SLC9A9: variants seen among roughly 807,000 people sequenced by gnomAD.
SLC9A9 encodes sodium/hydrogen exchanger 9.
SLC9A9 carries 62 observed loss-of-function variants against 77.8 expected under a neutral mutation model. That is an observed-to-expected ratio of 0.80 (90% CI 0.65 to 0.98). SLC9A9 has a LOEUF of 0.98. SLC9A9 is among the 50% of genes least tolerant of loss of function. SLC9A9 has a pLI of 0.00. For synonymous variants in SLC9A9, 320 were observed against 283.5 expected (o/e 1.13, Z -1.29); for missense variants, 775 against 774.9 (o/e 1.00, Z 0.00).
intron 14 of SLC9A9, among the ~76,000 whole-genome samples, chr3:143,290,410 G>A (rs563430832): frequency 1.3e-5 from 2 of 152,282 alleles, no homozygotes; most frequent in Admixed American, 6.5e-5. Context: ...CTAAATAAGT[G>A]AGCACAGGGA....
intron 14 of SLC9A9, among the ~76,000 whole-genome samples, chr3:143,329,308 CA>C (rs1212732174): frequency 6.6e-6 from 1 of 152,074 alleles, no homozygotes; most frequent in Non-Finnish European, 1.5e-5. Flanking sequence ...GTAAAGAAAA[CA>C]GATAAGAGTC....
chr3:143,314,912 C>T (rs2031153372), intron 14 of SLC9A9, among the ~76,000 whole-genome samples: 1 of 152,206 alleles, frequency 6.6e-6, no homozygotes, highest in Non-Finnish European at 1.5e-5. Context: ...TCCATCACTG[C>T]ACTCAATAGT....
intron 12 of SLC9A9, among the ~76,000 whole-genome samples, chr3:143,398,930 A>G (rs2033789130): frequency 6.6e-6 from 1 of 152,226 alleles, no homozygotes; most frequent in South Asian, 2.1e-4. Flanking sequence ...CTGTAAGACC[A>G]TATTATATTA....
intron 12 of SLC9A9, among the ~76,000 whole-genome samples, chr3:143,448,165 A>G (rs1175055903): frequency 6.6e-6 from 1 of 152,130 alleles, no homozygotes; most frequent in African/African-American, 2.4e-5. Context: ...ACAGCAGAAA[A>G]TTCTGTGCAA....
At chr3:143,701,441 T>C (rs1409674286) in intron 4 of SLC9A9, among the ~76,000 whole-genome samples, 1 of 152,124 alleles carries the variant, frequency 6.6e-6, no homozygotes, top group Non-Finnish European at 1.5e-5. Flanking sequence ...TTCTATCAGA[T>C]AAATTTAATG....
At chr3:143,640,009 C>CT (rs1289369722) in intron 6 of SLC9A9, among the ~76,000 whole-genome samples, 6 of 117,340 alleles carry the variant, frequency 5.1e-5, no homozygotes, top group South Asian at 2.9e-4. Flanking sequence ...TAATTCCTTT[C>CT]TTTTTTTTTC....
intron 12 of SLC9A9, among the ~76,000 whole-genome samples, chr3:143,432,759 C>T (rs936614577): frequency 6.6e-6 from 1 of 152,178 alleles, no homozygotes; most frequent in Non-Finnish European, 1.5e-5. Flanking sequence ...TCCCAAGTAG[C>T]TCGGACTACA....
intron 6 of SLC9A9, among the ~76,000 whole-genome samples, chr3:143,628,252 A>T (rs900752214): frequency 1.3e-5 from 2 of 152,204 alleles, no homozygotes; most frequent in African/African-American, 2.4e-5. Flanking sequence ...ACATCCCAAT[A>T]ACCTTATGGT....
intron 14 of SLC9A9, among the ~76,000 whole-genome samples, chr3:143,355,824 A>T (rs892644314): frequency 2.0e-5 from 3 of 152,220 alleles, no homozygotes; most frequent in African/African-American, 7.2e-5. Flanking sequence ...CACTGAGAAA[A>T]TAATAAATGT....
chr3:143,270,690 A>G (rs1306729187), intron 14 of SLC9A9, among the ~76,000 whole-genome samples: 1 of 152,122 alleles, frequency 6.6e-6, no homozygotes, highest in Non-Finnish European at 1.5e-5. Flanking sequence ...AAGAAAAAAA[A>G]AAGTTTGTCA....
rs117493590 is a variant in SLC9A9 at position 143,305,631 on chromosome 3, A to G, written c.1605-36651T>C. Among the ~76,000 whole-genome samples the G allele has an allele frequency of 2.8e-3, 430 of 152,368 alleles. 12 individuals are homozygous for G. In the East Asian group the frequency reaches 0.067, roughly 24 times the overall value. ...AGAGAGTCTACAGAAGAGGCTGCCTATGAAAACACAAATACTATCATGTGG... is the reference window on the plus strand; with the variant it reads ...AGAGAGTCTACAGAAGAGGCTGCCTGTGAAAACACAAATACTATCATGTGG... On this transcript the variant is annotated intron_variant, in intron 14 of 15. Transcript: ENST00000316549.
chr3:143,543,929 C>T (rs1014014101), intron 9 of SLC9A9, among the ~76,000 whole-genome samples: 1 of 152,152 alleles, frequency 6.6e-6, no homozygotes, highest in Non-Finnish European at 1.5e-5. Flanking sequence ...AATGGTAGCC[C>T]TGTTTTAAGT....
chr3:143,623,603 A>T (rs1194804698), intron 6 of SLC9A9, among the ~76,000 whole-genome samples: 5 of 152,194 alleles, frequency 3.3e-5, no homozygotes, highest in Non-Finnish European at 7.3e-5. Context: ...TCTCTGGGAC[A>T]CATTCAAAGC....
intron 4 of SLC9A9, among the ~76,000 whole-genome samples, chr3:143,703,383 G>T (rs1933862210): frequency 6.6e-6 from 1 of 151,430 alleles, no homozygotes; most frequent in Non-Finnish European, 1.5e-5. Flanking sequence ...TGACCATAAT[G>T]GAATAAAACA....
In SLC9A9 at chr3:143,269,641, T is replaced by A. The variant is rs564009045; in HGVS notation, c.1605-661A>T. ...GCCATTGTTTCCTCCAATCTATCAA[T>A]AATGAAATCCCCAGAGCTGCCTCAG... On this transcript the variant is annotated intron_variant, in intron 14 of 15. Transcript: ENST00000316549. Among the ~76,000 whole-genome samples, 14 of 152,326 alleles carry A rather than the reference T, an allele frequency of 9.2e-5. No homozygotes were observed. The East Asian group carries it at 2.5e-3, about 27-fold the overall frequency.
rs1291111421 is a variant in SLC9A9 at position 143,391,727 on chromosome 3, T to G, written c.1470-9613A>C. On this transcript the variant is annotated intron_variant, in intron 12 of 15. Transcript: ENST00000316549. Reference sequence around the variant, plus strand: ...AAAAAAGATTAGACGAATGGCTAACTAGAATAACCAGTGTAGAGAAGTCCT... The same window carrying G: ...AAAAAAGATTAGACGAATGGCTAACGAGAATAACCAGTGTAGAGAAGTCCT... Among the ~76,000 whole-genome samples, 5 of 152,128 alleles carry G rather than the reference T, an allele frequency of 3.3e-5. No individual in the cohort carries two copies. The East Asian group carries it at 9.6e-4, about 29-fold the overall frequency.
At chr3:143,619,344 G>C (rs2038159027) in intron 6 of SLC9A9, among the ~76,000 whole-genome samples, 1 of 152,166 alleles carries the variant, frequency 6.6e-6, no homozygotes, top group Admixed American at 6.5e-5. Flanking sequence ...GAAAGAAAAA[G>C]CATTTCCAAA....
At chr3:143,764,245 C>T (rs1560068683) in intron 4 of SLC9A9, among the ~76,000 whole-genome samples, 2 of 152,148 alleles carry the variant, frequency 1.3e-5, no homozygotes, top group African/African-American at 4.8e-5. Flanking sequence ...GTCAAAGAGT[C>T]ATAATAAGTC....
chr3:143,734,844 G>A lies in SLC9A9; in HGVS notation c.534-41537C>T, dbSNP rs114121440. Among the ~76,000 whole-genome samples the A allele has an allele frequency of 3.3e-3, 502 of 151,864 alleles. 5 individuals are homozygous for A. Among genetic ancestry groups the A allele is most frequent in the African/African-American group, 0.011 (472 of 41,436 alleles). On this transcript the variant is annotated intron_variant, in intron 4 of 15. Transcript: ENST00000316549. Reference sequence around the variant, plus strand: ...GAGGTGAACTAAGGTCAAATAACATGACCATGCTGTTTATTCTATCTACTC... The same window carrying A: ...GAGGTGAACTAAGGTCAAATAACATAACCATGCTGTTTATTCTATCTACTC...
Sources: allele counts gnomAD v4.1 joint callset (sites outside exome capture counted in the v4.1 genomes callset), GRCh38; gene constraint gnomAD v4.1.1; transcripts MANE v1.5; gene names NCBI Gene and HGNC (gene_info 2026-07-23, HGNC 2026-07-21).